Variants in SLC35F3 observed in about 807,000 individuals in gnomAD.
SLC35F3 encodes putative thiamine transporter SLC35F3.
Under a neutral mutation model 49.9 loss-of-function variants are expected in SLC35F3, and 25 were observed. The ratio of observed to expected loss-of-function variants is 0.50; its 90% CI spans 0.37 to 0.70. The LOEUF is 0.70. Among genes scored for constraint, SLC35F3 ranks in the 30% least tolerant of loss-of-function variants. The pLI, the probability that SLC35F3 is intolerant of heterozygous loss-of-function variation, is 0.00. For missense variants in SLC35F3, 525 were observed against 639.8 expected (o/e 0.82, Z 1.94); for synonymous variants, 275 against 265.4 (o/e 1.04, Z -0.35).
At chr1:233,910,724 T>C (rs1187786693) in intron 2 of SLC35F3, among the ~76,000 whole-genome samples, 1 of 152,046 alleles carries the variant, frequency 6.6e-6, no homozygotes, top group Non-Finnish European at 1.5e-5. Context: ...TTGAAGGGGG[T>C]CATGCTTATT....
chr1:233,935,531 C>G (rs1221466033), intron 2 of SLC35F3, among the ~76,000 whole-genome samples: 2 of 152,062 alleles, frequency 1.3e-5, no homozygotes, highest in Middle Eastern at 3.4e-3. Context: ...TTCCTTGGCC[C>G]TAGGTTGACG....
In SLC35F3 at chr1:233,957,525, C is replaced by G. The variant is rs1662725416; in HGVS notation, c.283+51767C>G. Among the ~76,000 whole-genome samples, 1 of 152,122 alleles carries G rather than the reference C, an allele frequency of 6.6e-6. No individual in the cohort carries two copies. The highest frequency in any genetic ancestry group is 1.5e-5 in the Non-Finnish European group (1 of 68,006). On this transcript the variant is annotated intron_variant, in intron 2 of 7. Coordinates refer to ENST00000366618, the MANE Select transcript of SLC35F3 (RefSeq NM_173508.4). This position sits in a 1 kb window ranked among gnomAD's most constrained non-coding sequence, Gnocchi z 4.0. ...ACATCAAAATTTAGTGGCATAAATA[C>G]AATAACTGGCTGTGTGTGGTGGCTC...
At chr1:234,321,511 T>C (rs1271748264) in intron 7 of SLC35F3, among the ~76,000 whole-genome samples, 2 of 152,180 alleles carry the variant, frequency 1.3e-5, no homozygotes, top group East Asian at 3.8e-4. Flanking sequence ...GAAAAATCAC[T>C]TGTCACCGTC....
intron 3 of SLC35F3, among the ~76,000 whole-genome samples, chr1:234,292,201 G>A (rs561867422): frequency 1.3e-5 from 2 of 152,336 alleles, no homozygotes; most frequent in South Asian, 4.1e-4. Flanking sequence ...ATCATGCAAG[G>A]AAAGCAATGT....
In SLC35F3 at chr1:234,324,055, A is replaced by C. The variant is rs898462015; in HGVS notation, c.*812A>C. ...ATATGTGTATGTCTGTGTACAAAAA[A>C]ATGACAGAGCTGATGGCCAGTGTAT... is the stretch of plus-strand genomic sequence containing the variant. On this transcript the variant is annotated 3_prime_UTR_variant, in exon 8 of 8. Coordinates refer to ENST00000366618, the MANE Select transcript of SLC35F3 (RefSeq NM_173508.4). 6.6e-6 allele frequency: 1 copy of C among 152,302 alleles called. No homozygotes were observed. Among genetic ancestry groups the C allele is most frequent in the African/African-American group, 2.4e-5 (1 of 41,476 alleles). 9.4% of individuals were successfully genotyped at this position (152,302 alleles called of 1,614,324 possible).
intron 2 of SLC35F3, among the ~76,000 whole-genome samples, chr1:234,130,366 T>A (rs1482577044): frequency 6.6e-6 from 1 of 151,246 alleles, no homozygotes; most frequent in Non-Finnish European, 1.5e-5. Context: ...CTCGGCCGGG[T>A]GCAGTGGCTC....
intron 2 of SLC35F3, among the ~76,000 whole-genome samples, chr1:234,227,169 G>T (rs1192902281): frequency 1.3e-5 from 2 of 152,144 alleles, no homozygotes; most frequent in Non-Finnish European, 2.9e-5. Context: ...AATCTACTTT[G>T]CATTGCTCCC....
rs369906818 is a variant in SLC35F3, at chr1:234,323,250, T to G, written c.*7T>G. The G allele has an allele frequency of 2.2e-5, 35 of 1,610,366 alleles. 1 individual carries two copies. In the South Asian group the frequency reaches 3.5e-4, roughly 16 times the overall value. On this transcript the variant is annotated 3_prime_UTR_variant, in exon 8 of 8. Coordinates refer to ENST00000366618, the MANE Select transcript of SLC35F3 (RefSeq NM_173508.4). This position sits in a 1 kb window ranked among gnomAD's most constrained non-coding sequence, Gnocchi z 4.5. ...CCCTTCCTTCGCCCGCTAACACCAC[T>G]CCTCTAGAACTCGGTGGTAATGACT...
chr1:234,040,426 A>C (rs1474315296), intron 2 of SLC35F3, among the ~76,000 whole-genome samples: 2 of 152,202 alleles, frequency 1.3e-5, no homozygotes. Context: ...TTTGGGTCAC[A>C]GGTTTCAGGC....
intron 2 of SLC35F3, among the ~76,000 whole-genome samples, chr1:234,051,565 T>A (rs1428070320): frequency 1.3e-5 from 2 of 152,212 alleles, no homozygotes; most frequent in African/African-American, 4.8e-5. Flanking sequence ...TTTCTAAATA[T>A]ACAATCATGT....
chr1:233,937,126 A>C (rs955060560), intron 2 of SLC35F3, among the ~76,000 whole-genome samples: 3 of 152,214 alleles, frequency 2.0e-5, no homozygotes, highest in Non-Finnish European at 4.4e-5. Flanking sequence ...CATCAAAATA[A>C]GATACTTCCT....
intron 2 of SLC35F3, among the ~76,000 whole-genome samples, chr1:234,043,625 T>G (rs919349048): frequency 6.6e-6 from 1 of 152,058 alleles, no homozygotes; most frequent in African/African-American, 2.4e-5. Flanking sequence ...GGAAAAAAAT[T>G]AGTATTATTA....
intron 3 of SLC35F3, among the ~76,000 whole-genome samples, chr1:234,263,385 G>T (rs1281440352): frequency 6.6e-6 from 1 of 152,172 alleles, no homozygotes; most frequent in Non-Finnish European, 1.5e-5. Context: ...TTATTATTTA[G>T]TATGCAAAAT....
rs913927359 is a variant in SLC35F3, at chr1:233,969,499, C to T, written c.283+63741C>T. 5.3e-5 allele frequency among the ~76,000 whole-genome samples: 8 copies of T among 152,270 alleles called. No individual in the cohort carries two copies. The East Asian group carries it at 1.5e-3, about 29-fold the overall frequency. On this transcript the variant is annotated intron_variant, in intron 2 of 7. Coordinates refer to ENST00000366618, the MANE Select transcript of SLC35F3 (RefSeq NM_173508.4). ...TTAGTGTGGCCACCTCCTGTCTGTT[C>T]TCCTGGTGTTCCTGCACCTCTGTTG...
At chr1:234,082,849 A>G (rs1285356688) in intron 2 of SLC35F3, among the ~76,000 whole-genome samples, 3 of 152,128 alleles carry the variant, frequency 2.0e-5, no homozygotes, top group Non-Finnish European at 4.4e-5. Flanking sequence ...TGATTCAGTT[A>G]TCTCCCATTG....
At chr1:234,306,810 T>C (rs140664573) in intron 3 of SLC35F3, among the ~76,000 whole-genome samples, 3 of 152,248 alleles carry the variant, frequency 2.0e-5, no homozygotes, top group Admixed American at 6.5e-5. Flanking sequence ...GAGTCAAATA[T>C]GGATTTTCAA....
intron 2 of SLC35F3, among the ~76,000 whole-genome samples, chr1:234,195,557 T>G (rs1049854303): frequency 6.6e-6 from 1 of 152,168 alleles, no homozygotes; most frequent in African/African-American, 2.4e-5. Flanking sequence ...TGGAAGGCCC[T>G]TCTCCCCACT....
intron 2 of SLC35F3, among the ~76,000 whole-genome samples, chr1:233,910,582 A>G (rs1356043627): frequency 1.3e-5 from 2 of 152,222 alleles, no homozygotes; most frequent in Non-Finnish European, 2.9e-5. Context: ...CCTGCATTAG[A>G]ACACAGACAT....
intron 3 of SLC35F3, among the ~76,000 whole-genome samples, chr1:234,255,582 C>T (rs1352751071): frequency 6.6e-6 from 1 of 152,104 alleles, no homozygotes; most frequent in African/African-American, 2.4e-5. Flanking sequence ...TTCATAATTG[C>T]CAAAAATTGG....
Sources: allele counts gnomAD v4.1 joint callset (sites outside exome capture counted in the v4.1 genomes callset), GRCh38; gene constraint gnomAD v4.1.1; non-coding constraint Gnocchi (gnomAD v3.1); transcripts MANE v1.5; gene names NCBI Gene and HGNC (gene_info 2026-07-23, HGNC 2026-07-21).